FOXP2: variants seen among roughly 807,000 people sequenced by gnomAD.
FOXP2 encodes forkhead box P2, also known as forkhead box protein P2.
FOXP2 carries 12 observed loss-of-function variants against 115.8 expected under a neutral mutation model. The ratio of observed to expected loss-of-function variants is 0.10; its 90% CI spans 0.07 to 0.17. FOXP2 has a LOEUF of 0.17. FOXP2 is among the 10% of genes least tolerant of loss of function. FOXP2 has a pLI of 1.00. For missense variants in FOXP2, 629 were observed against 843.5 expected (o/e 0.75, Z 3.15); for synonymous variants, 328 against 297.7 (o/e 1.10, Z -1.05).
chr7:114,401,420 C>T (rs542966792), intron 2 of FOXP2, among the ~76,000 whole-genome samples: 1 of 152,270 alleles, frequency 6.6e-6, no homozygotes, highest in Admixed American at 6.5e-5. Flanking sequence ...TTATCTCCTA[C>T]TTGTCTTTTT....
chr7:114,227,812 G>A (rs1473434741), intron 1 of FOXP2, among the ~76,000 whole-genome samples: 4 of 151,930 alleles, frequency 2.6e-5, no homozygotes, highest in Non-Finnish European at 5.9e-5. Context: ...GCGTTAATAC[G>A]TACATGGGCA....
intron 1 of FOXP2, among the ~76,000 whole-genome samples, chr7:114,122,043 C>T (rs533031146): frequency 1.3e-5 from 2 of 152,226 alleles, no homozygotes; most frequent in South Asian, 2.1e-4. Context: ...ATTATAATTA[C>T]ACACATTACA....
chr7:114,263,927 A>C (rs1226287574), intron 1 of FOXP2, among the ~76,000 whole-genome samples: 4 of 151,962 alleles, frequency 2.6e-5, no homozygotes, highest in African/African-American at 9.7e-5. Context: ...ACTTATTTTT[A>C]GAAAAAAGCC....
chr7:114,615,612 G>A (rs1803899524), intron 3 of FOXP2, among the ~76,000 whole-genome samples: 2 of 152,140 alleles, frequency 1.3e-5, no homozygotes, highest in Non-Finnish European at 2.9e-5. Flanking sequence ...TCCTCACTGT[G>A]CCTTCAAATT....
At chr7:114,160,607 G>A (rs535388322), upstream of FOXP2, among the ~76,000 whole-genome samples, 1 of 152,184 alleles carries the variant, frequency 6.6e-6, no homozygotes, top group South Asian at 2.1e-4. Flanking sequence ...GAGAGAATCT[G>A]CAAATGAAAT....
chr7:114,593,969 C>T (rs893044687), intron 3 of FOXP2, among the ~76,000 whole-genome samples: 14 of 151,824 alleles, frequency 9.2e-5, no homozygotes, highest in African/African-American at 1.2e-4. Flanking sequence ...AAGAAGTTTC[C>T]GTGTCTATAT....
chr7:114,464,057 C>A (rs1209200678), intron 2 of FOXP2, among the ~76,000 whole-genome samples: 1 of 152,086 alleles, frequency 6.6e-6, no homozygotes, highest in Non-Finnish European at 1.5e-5. Flanking sequence ...TGTAAAAAAG[C>A]AGCTCCTTGT....
chr7:114,629,210 A>C (rs1166685503), intron 4 of FOXP2, among the ~76,000 whole-genome samples: 1 of 152,184 alleles, frequency 6.6e-6, no homozygotes, highest in Non-Finnish European at 1.5e-5. Context: ...TTATCTTTTT[A>C]AAATAACAAA....
At chr7:114,301,036 C>CA (rs2129178306) in intron 2 of FOXP2, among the ~76,000 whole-genome samples, 1 of 151,892 alleles carries the variant, frequency 6.6e-6, no homozygotes, top group East Asian at 1.9e-4. Context: ...TATATTATTT[C>CA]AAAAATCAAT....
rs35525759 is a variant in FOXP2, at chr7:114,678,547, C to CTTTTTTT, written c.2004-11215_2004-11209dup. ...TACTTCTCTCCGGAAATAAGTGACT[C>CTTTTTTT]TTTTTTTTTTTTTTTTTTTTTTTTT... On this transcript the variant is annotated intron_variant, in intron 16 of 16. Transcript: ENST00000350908. Among the ~76,000 whole-genome samples the CTTTTTTT allele has an allele frequency of 1.4e-3, 67 of 48,408 alleles. 14 individuals are homozygous for CTTTTTTT. The highest frequency in any genetic ancestry group is 2.1e-3 in the Non-Finnish European group (52 of 25,160). 31.8% of individuals were successfully genotyped at this position (48,408 alleles called of 152,430 possible).
intron 1 of FOXP2, among the ~76,000 whole-genome samples, chr7:114,217,940 C>G (rs1794525891): frequency 6.6e-6 from 1 of 152,106 alleles, no homozygotes; most frequent in African/African-American, 2.4e-5. Flanking sequence ...TTCTTGGTCC[C>G]TCTCTGAGTA....
At chr7:114,509,203 A>ACAAGACAGGAAGTCCTTGGAGGC (rs1797959059) in intron 2 of FOXP2, among the ~76,000 whole-genome samples, 1 of 152,094 alleles carries the variant, frequency 6.6e-6, no homozygotes, top group Non-Finnish European at 1.5e-5. Context: ...TATATTCTAA[A>ACAAGACAGGAAGTCCTTGGAGGC]CAAGACAGGA....
intron 2 of FOXP2, among the ~76,000 whole-genome samples, chr7:114,427,189 G>A (rs1350136467): frequency 1.3e-5 from 2 of 151,508 alleles, no homozygotes; most frequent in African/African-American, 4.8e-5. Context: ...TAAACACTAC[G>A]ATCTGTTGCT....
At chr7:114,425,121 A>G (rs1793785712) in intron 1 of FOXP2, among the ~76,000 whole-genome samples, 1 of 151,512 alleles carries the variant, frequency 6.6e-6, no homozygotes, top group African/African-American at 2.4e-5. Context: ...ACTGGGGAAA[A>G]CATTTTCTCC....
At chr7:114,541,900 T>C (rs2129281787) in intron 3 of FOXP2, among the ~76,000 whole-genome samples, 1 of 151,938 alleles carries the variant, frequency 6.6e-6, no homozygotes, top group Admixed American at 6.6e-5. Context: ...TTATGGGAGC[T>C]CTCTATAGGA....
At chr7:114,681,823 T>C (rs1808096271) in intron 16 of FOXP2, among the ~76,000 whole-genome samples, 1 of 152,206 alleles carries the variant, frequency 6.6e-6, no homozygotes, top group Admixed American at 6.5e-5. Context: ...AGGCATCTGA[T>C]ATGTGAGGCA....
chr7:114,445,577 G>A (rs1391056098), intron 2 of FOXP2, among the ~76,000 whole-genome samples: 2 of 152,006 alleles, frequency 1.3e-5, no homozygotes, highest in Non-Finnish European at 2.9e-5. Context: ...CTACTTTGTG[G>A]GATACCAACT....
At chr7:114,374,237 A>G (rs905460963) in intron 2 of FOXP2, among the ~76,000 whole-genome samples, 10 of 152,222 alleles carry the variant, frequency 6.6e-5, no homozygotes, top group African/African-American at 2.2e-4. Context: ...TTCAAGCTTC[A>G]TATGTCACAG....
At chr7:114,330,742 A>T (rs142609472) in intron 2 of FOXP2, among the ~76,000 whole-genome samples, 1 of 152,066 alleles carries the variant, frequency 6.6e-6, no homozygotes, top group Non-Finnish European at 1.5e-5. Context: ...TTTAGTCTCA[A>T]TAAAGATATA....
Sources: gnomAD v4.1 joint callset for allele counts (sites outside exome capture counted in the v4.1 genomes callset) on GRCh38, gnomAD v4.1.1 for gene constraint, MANE v1.5 for transcripts, NCBI Gene and HGNC (gene_info 2026-07-23, HGNC 2026-07-21) for gene names.